RAPGEFL1: variants seen among roughly 807,000 people sequenced by gnomAD.
RAPGEFL1 encodes the protein Rap guanine nucleotide exchange factor like 1.
In RAPGEFL1, 31 loss-of-function variants were observed where a neutral mutation model predicts 64.4. The observed-to-expected ratio is 0.48, with a 90% CI of 0.36 to 0.65. The LOEUF is 0.65. Among genes scored for constraint, RAPGEFL1 ranks in the 30% least tolerant of loss-of-function variants. The probability of loss-of-function intolerance (pLI) is 0.00; values close to 1 mark genes in which losing one functional copy is unlikely to be tolerated. For missense variants in RAPGEFL1, 682 were observed against 677.4 expected (o/e 1.01, Z -0.08); for synonymous variants, 331 against 274.1 (o/e 1.21, Z -2.05).
chr17:40,191,278 CT>C lies in RAPGEFL1; in HGVS notation c.1336-37del. 1 of 1,516,400 alleles carries C rather than the reference CT, an allele frequency of 6.6e-7. No individual in the cohort carries two copies. Among genetic ancestry groups the C allele is most frequent in the Non-Finnish European group, 8.8e-7 (1 of 1,140,166 alleles). 93.9% of individuals were successfully genotyped at this position (1,516,400 alleles called of 1,614,324 possible). On this transcript the variant is annotated intron_variant, in intron 8 of 14. Coordinates refer to ENST00000620260, the MANE Select transcript of RAPGEFL1 (RefSeq NM_016339.6). The surrounding 1 kb of genome is among the most constrained non-coding windows in gnomAD (Gnocchi z 5.1). ...TCTTCCCACCCACTCCCCTCACCCC[CT>C]GGCGCCCTGGCCGCCCCTCCGCTGC...
At chr17:40,185,970 A>C (rs1160364827) in intron 4 of RAPGEFL1, among the ~76,000 whole-genome samples, 2 of 145,602 alleles carry the variant, frequency 1.4e-5, no homozygotes, top group Non-Finnish European at 3.0e-5. Flanking sequence ...TCTCTAAAGA[A>C]AAAAAAAAAG....
At chr17:40,189,032 ATCTCTGGG>A in intron 5 of RAPGEFL1, 54 bp downstream of exon 5, 1 of 1,546,240 alleles carries the variant, frequency 6.5e-7, no homozygotes, top group Non-Finnish European at 8.9e-7. Context: ...AGGGGGACAT[ATCTCTGGG>A]TCTTGAGCAC....
chr17:40,183,256 G>A (rs1989947744), intron 2 of RAPGEFL1, among the ~76,000 whole-genome samples: 1 of 152,100 alleles, frequency 6.6e-6, no homozygotes, highest in East Asian at 1.9e-4. Flanking sequence ...CATTTATTAG[G>A]CGCACTGTGA....
At chr17:40,179,230 C>G (rs866098227) in intron 1 of RAPGEFL1, among the ~76,000 whole-genome samples, 1 of 152,162 alleles carries the variant, frequency 6.6e-6, no homozygotes, top group Non-Finnish European at 1.5e-5. Flanking sequence ...CCACGCCTGG[C>G]TAATTTTTGT....
Position 40,188,967 on chromosome 17 carries a change from G to A in RAPGEFL1, c.935G>A (p.Gly312Asp), listed in dbSNP as rs1233714441. 2 of 1,613,928 alleles carry A rather than the reference G, an allele frequency of 1.2e-6. No homozygotes were observed. Among genetic ancestry groups the A allele is most frequent in the African/African-American group, 1.3e-5 (1 of 74,924 alleles). ...CTGCAGACCCGGGTGGCCTTCCGGG[G>A]CTCTGATGAGAGTGAGTGTGGGCAT... ...SCLQTRVAFR[G>D]SDEIFCRVYM... The change falls in exon 5 of 15, where the codon GGC (glycine) becomes GAC (aspartate). Residue 312 changes from glycine to aspartate, a missense_variant. This residue lies in a region of RAPGEFL1 where 411 missense variants were observed against 519.4 expected (regional missense o/e 0.79). Coordinates refer to ENST00000620260, the MANE Select transcript of RAPGEFL1 (RefSeq NM_016339.6).
intron 1 of RAPGEFL1, among the ~76,000 whole-genome samples, 156 bp downstream of exon 1, chr17:40,178,537 T>C (rs552474254): frequency 1.3e-5 from 2 of 152,156 alleles, no homozygotes; most frequent in East Asian, 3.9e-4. Flanking sequence ...GTACAGACCC[T>C]CCCGCGGAAG....
At chr17:40,190,997 A>G (rs1990243103) in intron 8 of RAPGEFL1, 2 of 610,584 alleles carry the variant, frequency 3.3e-6, no homozygotes, top group Non-Finnish European at 5.6e-6. Context: ...CAGGATTTCT[A>G]TTTTTAAAAT....
chr17:40,183,230 T>C (rs1033151475), intron 2 of RAPGEFL1, among the ~76,000 whole-genome samples: 1 of 152,178 alleles, frequency 6.6e-6, no homozygotes, highest in South Asian at 2.1e-4. Context: ...GTCAGGTTTG[T>C]GGTAAACACC....
chr17:40,184,787 T>C, intron 4 of RAPGEFL1, 109 bp downstream of exon 4: 1 of 690,422 alleles, frequency 1.4e-6, no homozygotes, highest in Non-Finnish European at 2.4e-6. Flanking sequence ...GCTTGTTTGT[T>C]TGTTTGTTTT....
At position 40,189,225 on chromosome 17, in the gene RAPGEFL1, A is replaced by G. The variant is rs1160219552; in HGVS notation, c.964A>G (p.Met322Val). The stretch of plus-strand genomic sequence containing the variant: ...CCGTCCAGTCTTCTGCCGTGTATAC[A>G]TGCCTGACCACTCTTATGTGACCAT... ...GSDEIFCRVY[M>V]PDHSYVTIRS... Residue 322 changes from methionine (M) to valine (V), a missense_variant, in exon 6 of 15, where the codon ATG becomes GTG. Met to Val is a conservative substitution (Grantham distance 21, BLOSUM62 1). Transcript: ENST00000620260. 3 of 1,614,150 alleles carry G rather than the reference A, an allele frequency of 1.9e-6. No homozygotes were observed. Among genetic ancestry groups the G allele is most frequent in the Non-Finnish European group, 2.5e-6 (3 of 1,180,006 alleles).
chr17:40,177,984 CG>C lies in RAPGEFL1; in HGVS notation c.128del (p.Gly43AlafsTer95). 1 of 442,818 alleles carries C rather than the reference CG, an allele frequency of 2.3e-6. No individual in the cohort carries two copies. Among genetic ancestry groups the C allele is most frequent in the Non-Finnish European group, 4.0e-6 (1 of 249,914 alleles). The allele number at this position is 442,818 out of a possible 1,614,324, so 27.4% of individuals were successfully genotyped here. On this transcript the variant is annotated frameshift_variant, in exon 1 of 15. Transcript: ENST00000620260. LOFTEE classifies it high-confidence loss of function. ...GGCCTGGAGGGGGTGGGGGACCCGGCGGGGGCGGCGGTCCAGCCGGGGGACA... is the reference window on the plus strand; with the variant it reads ...GGCCTGGAGGGGGTGGGGGACCCGGCGGGGCGGCGGTCCAGCCGGGGGACA... ...GGPGGGGGPG[G>X]GGGPAGGQRS...
At chr17:40,181,288 T>G in intron 1 of RAPGEFL1, 1 of 496,486 alleles carries the variant, frequency 2.0e-6, no homozygotes, top group South Asian at 1.5e-5. Context: ...GTGGGCTACT[T>G]CTTTTTTCAG....
chr17:40,181,773 A>G (rs1419331073), intron 2 of RAPGEFL1, 79 bp downstream of exon 2: 6 of 688,632 alleles, frequency 8.7e-6, no homozygotes, highest in South Asian at 6.0e-5. Flanking sequence ...CTCAGAGCCT[A>G]AACTCTCCCC....
chr17:40,181,234 C>T (rs1989884523), intron 1 of RAPGEFL1: 1 of 451,082 alleles, frequency 2.2e-6, no homozygotes, highest in South Asian at 1.6e-5. Flanking sequence ...CCCACTGATG[C>T]TAACCTCTGT....
At chr17:40,192,012 A>C (rs912069254) in intron 10 of RAPGEFL1, among the ~76,000 whole-genome samples, 7 of 152,218 alleles carry the variant, frequency 4.6e-5, no homozygotes, top group Non-Finnish European at 8.8e-5. Flanking sequence ...GGCCTTCCCC[A>C]GAATAATGAA....
chr17:40,187,127 C>T (rs1990104412), intron 4 of RAPGEFL1, among the ~76,000 whole-genome samples: 2 of 151,966 alleles, frequency 1.3e-5, no homozygotes, highest in African/African-American at 2.4e-5. Flanking sequence ...GTTTATAAAA[C>T]ATATATATTT....
chr17:40,185,056 G>A (rs1485778599), intron 4 of RAPGEFL1, among the ~76,000 whole-genome samples: 1 of 152,120 alleles, frequency 6.6e-6, no homozygotes, highest in Non-Finnish European at 1.5e-5. Context: ...GATTACAGGT[G>A]TGAGCCACTG....
chr17:40,177,658 T>A lies in RAPGEFL1; in HGVS notation c.-204T>A. 1 of 409,828 alleles carries A rather than the reference T, an allele frequency of 2.4e-6. No individual in the cohort carries two copies. The highest frequency in any genetic ancestry group is 4.2e-6 in the Non-Finnish European group (1 of 236,102). 25.4% of individuals were successfully genotyped at this position (409,828 alleles called of 1,614,324 possible). A position where few individuals can be genotyped will look rare whatever the true frequency, so the allele number is the denominator to read the frequency against. On this transcript the variant is annotated 5_prime_UTR_variant, in exon 1 of 15. Transcript: ENST00000620260. Reference sequence around the variant, plus strand: ...ATGGGGGGTTGCTGAGAGCGAGCACTCCTTTCCTCTGGCACCTCCCCCGGC... The same window carrying A: ...ATGGGGGGTTGCTGAGAGCGAGCACACCTTTCCTCTGGCACCTCCCCCGGC...
In RAPGEFL1 at chr17:40,194,231, CCGTG is replaced by C. The variant is rs1567698518; in HGVS notation, c.*444_*447del. 7.2e-6 allele frequency: 1 copy of C among 139,108 alleles called. No individual in the cohort carries two copies. Among genetic ancestry groups the C allele is most frequent in the Admixed American group, 8.1e-5 (1 of 12,414 alleles). The allele number at this position is 139,108 out of a possible 1,614,324, so 8.6% of individuals were successfully genotyped here. On this transcript the variant is annotated 3_prime_UTR_variant, in exon 15 of 15. Transcript: ENST00000620260. ...TGGGACCCCCAGGAATATTATGTTG[CCGTG>C]TGTGTGTGTGTGTGTGTGTGTGTGT...
Sources: allele counts gnomAD v4.1 joint callset (sites outside exome capture counted in the v4.1 genomes callset), GRCh38; gene constraint gnomAD v4.1.1; regional missense constraint gnomAD v4.1.1; non-coding constraint Gnocchi (gnomAD v3.1); transcripts MANE v1.5; gene names NCBI Gene and HGNC (gene_info 2026-07-23, HGNC 2026-07-21).